The following TMEM253 variants were observed in gnomAD, a reference collection of about 807,000 sequenced individuals.
TMEM253 encodes the protein transmembrane protein C14orf176.
Under a neutral mutation model 20.3 loss-of-function variants are expected in TMEM253, and 22 were observed. That is an observed-to-expected ratio of 1.08 (90% CI 0.78 to 1.55). The LOEUF is 1.55. TMEM253 is among the 40% of genes most tolerant of loss of function. The pLI is 0.00. For synonymous variants in TMEM253, 92 were observed against 102.6 expected (o/e 0.90, Z 0.62); for missense variants, 251 against 266.1 (o/e 0.94, Z 0.39).
chr14:21,102,197 G>A, intron 4 of TMEM253, 77 bp downstream of exon 4: 1 of 1,480,320 alleles, frequency 6.8e-7, no homozygotes, highest in Non-Finnish European at 9.1e-7. Flanking sequence ...TAGGAAGTAA[G>A]TGGCTAAGTG....
At chr14:21,103,148 G>A in exon 7 of TMEM253, 1 of 1,551,686 alleles carries the variant, frequency 6.4e-7, no homozygotes, top group Non-Finnish European at 8.7e-7. Flanking sequence ...GGGCTTCTCT[G>A]AGTTGGAAGA....
chr14:21,103,372 G>GC, exon 7 of TMEM253: 1 of 1,443,452 alleles, frequency 6.9e-7, no homozygotes. Flanking sequence ...CTCAAAGCAG[G>GC]CCCTTTTTTC....
In TMEM253 at chr14:21,101,300, T is replaced by C. The variant is rs1193223287; in HGVS notation, c.-36-8T>C. On this transcript the variant is annotated splice_polypyrimidine_tract_variant and splice_region_variant and intron_variant, in intron 1 of 6. Coordinates refer to ENST00000556585, the Ensembl canonical transcript of TMEM253. ...TAATAGACAGAACCTATAACGCATTTTTCCCAGCCTAGGAAGCACCTAATT... is the reference window on the plus strand; with the variant it reads ...TAATAGACAGAACCTATAACGCATTCTTCCCAGCCTAGGAAGCACCTAATT... 1 of 1,539,818 alleles carries C rather than the reference T, an allele frequency of 6.5e-7. No individual in the cohort carries two copies. Among genetic ancestry groups the C allele is most frequent in the Admixed American group, 2.0e-5 (1 of 50,850 alleles).
intron 2 of TMEM253, 197 bp downstream of exon 2, chr14:21,101,648 T>C: frequency 1.5e-6 from 1 of 654,906 alleles, no homozygotes; most frequent in East Asian, 2.7e-5. Flanking sequence ...GCTTCCATCT[T>C]GTGGGGGAAA....
exon 3 of TMEM253, chr14:21,101,947 C>G: frequency 6.4e-7 from 1 of 1,551,686 alleles, no homozygotes; most frequent in Non-Finnish European, 8.7e-7. Flanking sequence ...CACATGGCCA[C>G]AGCGCTGCCT....
rs1486173072 is a variant in TMEM253 at position 21,101,774 on chromosome 14, T to C, written c.109-91T>C. Reference sequence around the variant, plus strand: ...CTGCTTTCCTCCACCCTGCATTCAATCCCATTTCCTGATCTCTAAAGAGGT... The same window carrying C: ...CTGCTTTCCTCCACCCTGCATTCAACCCCATTTCCTGATCTCTAAAGAGGT... On this transcript the variant is annotated intron_variant, in intron 2 of 6. Coordinates refer to ENST00000556585, the Ensembl canonical transcript of TMEM253. 6 of 1,019,980 alleles carry C rather than the reference T, an allele frequency of 5.9e-6. No homozygotes were observed. The African/African-American group carries it at 9.7e-5, about 16-fold the overall frequency. The allele number at this position is 1,019,980 out of a possible 1,614,324, so 63.2% of individuals were successfully genotyped here. A position where few individuals can be genotyped will look rare whatever the true frequency, so the allele number is the denominator to read the frequency against.
chr14:21,101,411 G>A lies in TMEM253; in HGVS notation c.68G>A (p.Trp23Ter). 1 of 1,551,606 alleles carries A rather than the reference G, an allele frequency of 6.4e-7. No homozygotes were observed. The highest frequency in any genetic ancestry group is 8.7e-7 in the Non-Finnish European group (1 of 1,146,932). Residue 23 changes from tryptophan (W) to a stop codon, truncating the protein, a stop_gained, in exon 2 of 7, where the codon TGG (tryptophan) becomes TAG (stop). Coordinates refer to ENST00000556585, the Ensembl canonical transcript of TMEM253. LOFTEE classifies it high-confidence loss of function. The stretch of plus-strand genomic sequence containing the variant: ...CTTCGTCTGGAAAAGCTACAACACT[G>A]GGCAAGGCACAGGCAGAGTGGGCAC...
intron 2 of TMEM253, 57 bp from the exon 3 acceptor site, chr14:21,101,808 C>G (rs896764539): frequency 4.3e-6 from 6 of 1,397,898 alleles, no homozygotes; most frequent in South Asian, 1.3e-5. Context: ...GTAGGAGTTA[C>G]GAGAAGGGAG....
chr14:21,100,800 C>T (rs1345611855), upstream of TMEM253, among the ~76,000 whole-genome samples: 2 of 151,964 alleles, frequency 1.3e-5, no homozygotes, highest in African/African-American at 4.8e-5. Flanking sequence ...TAGGGAAGGG[C>T]ACATAATTTG....
intron 6 of TMEM253, 58 bp downstream of exon 6, chr14:21,102,837 C>T (rs1265013804): frequency 6.6e-7 from 1 of 1,526,198 alleles, no homozygotes; most frequent in Non-Finnish European, 8.8e-7. Flanking sequence ...TTTCCACTGC[C>T]TATCCTGGTC....
exon 7 of TMEM253, chr14:21,103,477 C>A: frequency 1.5e-6 from 1 of 653,796 alleles, no homozygotes; most frequent in Non-Finnish European, 2.5e-6. Flanking sequence ...TCCATATCCT[C>A]TCTTCCTGTC....
At chr14:21,099,395 C>A (rs1227223155), upstream of TMEM253, among the ~76,000 whole-genome samples, 3 of 152,144 alleles carry the variant, frequency 2.0e-5, no homozygotes, top group Non-Finnish European at 4.4e-5. Context: ...CATCTCACAT[C>A]GCCACCAAAT....
Position 21,101,897 on chromosome 14 carries a change from G to A in TMEM253, c.141G>A (p.Val47=), listed in dbSNP as rs1300878555. The change falls in exon 3 of 7, where the codon GTG becomes GTA. Residue 47 remains valine (V), a synonymous_variant. Transcript: ENST00000556585. ...AGCTATGGCTGGCAGTGGTTGTGGT[G>A]CCCCTTGCTGTCTCAGTCGCCTGCC... The A allele has an allele frequency of 8.4e-6, 13 of 1,551,408 alleles. No homozygotes were observed. The African/African-American group carries it at 1.2e-4, about 15-fold the overall frequency.
chr14:21,102,101 G>A, exon 4 of TMEM253: 1 of 1,550,854 alleles, frequency 6.4e-7, no homozygotes, highest in Non-Finnish European at 8.7e-7. Context: ...GAGCTTCGCA[G>A]AGCACCCCGC....
intron 2 of TMEM253, 131 bp downstream of exon 2, chr14:21,101,582 G>A: frequency 1.2e-6 from 1 of 821,960 alleles, no homozygotes; most frequent in Non-Finnish European, 1.9e-6. Flanking sequence ...CTGAATGGGA[G>A]GAGGGTAGAG....
At chr14:21,101,100 G>C, upstream of TMEM253, 1 of 366,370 alleles carries the variant, frequency 2.7e-6, no homozygotes, top group Admixed American at 4.0e-5. Flanking sequence ...GGACAAGTTT[G>C]TCGTCTGCTC....
chr14:21,100,126 GC>G (rs1342403084), upstream of TMEM253, among the ~76,000 whole-genome samples: 1 of 152,148 alleles, frequency 6.6e-6, no homozygotes, highest in Non-Finnish European at 1.5e-5. Flanking sequence ...AGTTTGGGAG[GC>G]CAAGCAGGGA....
chr14:21,103,276 AT>A (rs1328991960), exon 7 of TMEM253: 1 of 1,547,198 alleles, frequency 6.5e-7, no homozygotes, highest in Non-Finnish European at 8.7e-7. Flanking sequence ...CTCTCCAGAC[AT>A]TCCTGCATCC....
At chr14:21,101,553 C>G in intron 2 of TMEM253, 102 bp downstream of exon 2, 1 of 1,109,482 alleles carries the variant, frequency 9.0e-7, no homozygotes, top group Non-Finnish European at 1.3e-6. Flanking sequence ...CTACCATGTG[C>G]CAGAAACTGA....
Sources: gnomAD v4.1 joint callset for allele counts (sites outside exome capture counted in the v4.1 genomes callset) on GRCh38, gnomAD v4.1.1 for gene constraint, MANE v1.5 for transcripts, NCBI Gene and HGNC (gene_info 2026-07-23, HGNC 2026-07-21) for gene names.